The following FCRL4 variants were observed in gnomAD, a reference collection of about 807,000 sequenced individuals.
The protein encoded by FCRL4 is Fc receptor-like protein 4.
In FCRL4, 43 loss-of-function variants were observed where a neutral mutation model predicts 64.1. That is an observed-to-expected ratio of 0.67 (90% CI 0.53 to 0.87). The LOEUF (loss-of-function observed/expected upper bound fraction) is 0.87, where lower values mean the gene tolerates loss of function less well. Among genes scored for constraint, FCRL4 ranks in the 40% least tolerant of loss-of-function variants. The pLI, the probability that FCRL4 is intolerant of heterozygous loss-of-function variation, is 0.00. For synonymous variants in FCRL4, 253 were observed against 239.8 expected, an observed-to-expected ratio of 1.05 and a Z score of -0.51; for missense variants, 656 against 613.5, an observed-to-expected ratio of 1.07 and a Z score of -0.73.
At position 157,575,256 on chromosome 1, in the gene FCRL4, T is replaced by C. The variant is rs545588986; in HGVS notation, c.*268A>G. 12 of 487,050 alleles carry C rather than the reference T, an allele frequency of 2.5e-5. No individual in the cohort carries two copies. The East Asian group carries it at 3.8e-4, about 16-fold the overall frequency. 30.2% of individuals were successfully genotyped at this position (487,050 alleles called of 1,614,324 possible). A position where few individuals can be genotyped will look rare whatever the true frequency, so the allele number is the denominator to read the frequency against. ...CTTCTCTAAAGCAGACCCTAGGGAA[T>C]ACATTAGGTCAGGCCCACAGCAAAT... On this transcript the variant is annotated 3_prime_UTR_variant, in exon 12 of 12. Coordinates refer to ENST00000271532, the MANE Select transcript of FCRL4 (RefSeq NM_031282.3).
Position 157,586,170 on chromosome 1 carries a change from C to G in FCRL4, c.1133G>C (p.Arg378Thr). ...VQSMVLNVTV[R>T]ETPGNRDGLV... is the part of the protein sequence containing the mutation. ...GGTCAATAGAGATTAAAACTCACCT[C>G]TCACAGTGACATTCAGCACCATGCT... The change falls in exon 6 of 12, where the codon AGA (arginine) becomes ACA (threonine). Residue 378 changes from arginine to threonine, a missense_variant and splice_region_variant. Physicochemically the swap from Arg to Thr is moderately conservative, Grantham distance 71. Coordinates refer to ENST00000271532, the MANE Select transcript of FCRL4 (RefSeq NM_031282.3). 1 of 1,603,526 alleles carries G rather than the reference C, an allele frequency of 6.2e-7. No individual in the cohort carries two copies. The highest frequency in any genetic ancestry group is 8.5e-7 in the Non-Finnish European group (1 of 1,172,004).
intron 9 of FCRL4, 51 bp downstream of exon 9, chr1:157,578,719 T>TGGGAA: frequency 6.3e-7 from 1 of 1,579,042 alleles, no homozygotes. Flanking sequence ...GAAAGCGCAT[T>TGGGAA]ATCTTTCCAT....
rs372713823 is a variant in FCRL4, at chr1:157,587,393, G to T, written c.730C>A (p.Pro244Thr). Reference protein sequence around the residue: ...EVILSDWSTYPELQLPTVWRE... With the variant: ...EVILSDWSTYTELQLPTVWRE... Reference sequence around the variant, plus strand: ...CAGACGGTTGGGAGCTGGAGTTCCGGGTACGTGCTCCAGTCTGACAGGATG... The same window carrying T: ...CAGACGGTTGGGAGCTGGAGTTCCGTGTACGTGCTCCAGTCTGACAGGATG... Residue 244 changes from proline (P) to threonine (T), a missense_variant, in exon 5 of 12, where the codon CCG becomes ACG. Physicochemically the swap from Pro to Thr is conservative, Grantham distance 38. Coordinates refer to ENST00000271532, the MANE Select transcript of FCRL4 (RefSeq NM_031282.3). 8.7e-6 allele frequency: 14 copies of T among 1,614,188 alleles called. No individual in the cohort carries two copies. The South Asian group carries it at 1.5e-4, about 18-fold the overall frequency.
intron 6 of FCRL4, among the ~76,000 whole-genome samples, chr1:157,583,575 T>G (rs1652610467): frequency 6.6e-6 from 1 of 152,186 alleles, no homozygotes. Context: ...CTCTCTGCCA[T>G]GTAAGGACAC....
rs1652735192 is a variant in FCRL4, at chr1:157,587,717, C to T, written c.562+148G>A. ...TTTTCTTCTACAGGATTATTCAGGT[C>T]CAATCACCCCACTTTCTCTGCCTCT... On this transcript the variant is annotated intron_variant, in intron 4 of 11. Coordinates refer to ENST00000271532, the MANE Select transcript of FCRL4 (RefSeq NM_031282.3). 2.7e-6 allele frequency: 3 copies of T among 1,099,018 alleles called. No individual in the cohort carries two copies. The African/African-American group carries it at 4.7e-5, about 17-fold the overall frequency. The allele number at this position is 1,099,018 out of a possible 1,614,324, so 68.1% of individuals were successfully genotyped here.
chr1:157,578,449 C>T, intron 10 of FCRL4, 25 bp downstream of exon 10: 1 of 1,584,520 alleles, frequency 6.3e-7, no homozygotes, highest in South Asian at 1.1e-5. Flanking sequence ...TAGTTTGCAG[C>T]CAGAATCTCT....
At chr1:157,595,458 A>T (rs1652940833) in intron 2 of FCRL4, among the ~76,000 whole-genome samples, 1 of 152,266 alleles carries the variant, frequency 6.6e-6, no homozygotes, top group Non-Finnish European at 1.5e-5. Flanking sequence ...TGCTATGTGC[A>T]GGTGGCCCTA....
intron 4 of FCRL4, 60 bp downstream of exon 4, chr1:157,587,805 C>A: frequency 6.7e-7 from 1 of 1,485,322 alleles, no homozygotes; most frequent in South Asian, 1.3e-5. Flanking sequence ...TCTTTCCTTA[C>A]ATGCTCAGTT....
intron 2 of FCRL4, among the ~76,000 whole-genome samples, chr1:157,595,571 C>G (rs1571146480): frequency 6.6e-6 from 1 of 152,214 alleles, no homozygotes; most frequent in Non-Finnish European, 1.5e-5. Context: ...ATTCAAGGCA[C>G]TTTTTGTATT....
intron 7 of FCRL4, 77 bp downstream of exon 7, chr1:157,581,453 TG>T: frequency 1.7e-6 from 2 of 1,150,354 alleles, no homozygotes; most frequent in Non-Finnish European, 2.6e-6. Flanking sequence ...GGTGGCCTGG[TG>T]GCCACTAAGG....
intron 1 of FCRL4, 30 bp from the exon 2 acceptor site, chr1:157,596,378 C>G (rs1332297660): frequency 6.2e-7 from 1 of 1,613,576 alleles, no homozygotes; most frequent in East Asian, 2.2e-5. Context: ...CAGCCATCAG[C>G]GTAGGCGAAG....
rs764842152 is a variant in FCRL4, at chr1:157,597,932, C to T, written c.13G>A (p.Ala5Thr). MLLWASLLAFAPVCG... is the reference protein window; with the variant it reads MLLWTSLLAFAPVCG... ...CACTTACCAAAGGCCAGCAAGGACG[C>T]CCACAGCAGCATGGAAGCCTGCTCC... The change falls in exon 1 of 12, where the codon GCG (alanine) becomes ACG (threonine). Residue 5 changes from alanine (A) to threonine (T), a missense_variant. Transcript: ENST00000271532. 1.4e-5 allele frequency: 22 copies of T among 1,613,240 alleles called. No individual in the cohort carries two copies. The highest frequency in any genetic ancestry group is 1.8e-5 in the Non-Finnish European group (21 of 1,179,600).
intron 7 of FCRL4, among the ~76,000 whole-genome samples, chr1:157,581,061 C>T (rs924884763): frequency 6.6e-6 from 1 of 152,072 alleles, no homozygotes; most frequent in Non-Finnish European, 1.5e-5. Context: ...CTCAGAAAAG[C>T]CCCTGAAAAG....
At chr1:157,586,918 G>A in intron 5 of FCRL4, among the ~76,000 whole-genome samples, 1 of 152,228 alleles carries the variant, frequency 6.6e-6, no homozygotes, top group East Asian at 1.9e-4. Flanking sequence ...ACCAGGAAAA[G>A]GTGGATGCTT....
At chr1:157,590,628 C>T (rs1037857778) in intron 2 of FCRL4, among the ~76,000 whole-genome samples, 7 of 151,766 alleles carry the variant, frequency 4.6e-5, no homozygotes, top group African/African-American at 1.5e-4. Context: ...AGCGATTCTC[C>T]TGCCTCAGCC....
At chr1:157,596,373 A>G (rs538158281) in intron 1 of FCRL4, 25 bp from the exon 2 acceptor site, 2 of 1,613,894 alleles carry the variant, frequency 1.2e-6, no homozygotes, top group African/African-American at 2.7e-5. Context: ...AGAGCCAGCC[A>G]TCAGCGTAGG....
At chr1:157,596,201 C>T (rs370739966) in intron 2 of FCRL4, 127 bp downstream of exon 2, 2 of 1,061,436 alleles carry the variant, frequency 1.9e-6, no homozygotes, top group African/African-American at 1.6e-5. Flanking sequence ...GAGCTGATGT[C>T]TCTACATCCC....
intron 6 of FCRL4, among the ~76,000 whole-genome samples, chr1:157,584,094 A>G (rs984958573): frequency 6.6e-6 from 1 of 152,220 alleles, no homozygotes; most frequent in African/African-American, 2.4e-5. Flanking sequence ...ATTTATACTT[A>G]CCAACAGATT....
chr1:157,587,771 G>T, intron 4 of FCRL4, 94 bp downstream of exon 4: 1 of 1,307,122 alleles, frequency 7.7e-7, no homozygotes. Flanking sequence ...CATCTATCCA[G>T]AGTTTCAATA....
Sources: gnomAD v4.1 joint callset for allele counts (sites outside exome capture counted in the v4.1 genomes callset) on GRCh38, gnomAD v4.1.1 for gene constraint, MANE v1.5 for transcripts, NCBI Gene and HGNC (gene_info 2026-07-23, HGNC 2026-07-21) for gene names.